LPP: variants seen among roughly 807,000 people sequenced by gnomAD.
LPP encodes LIM domain containing preferred translocation partner in lipoma.
A neutral mutation model predicts 60.4 loss-of-function variants in LPP; 38 were observed. The ratio of observed to expected loss-of-function variants is 0.63; its 90% CI spans 0.49 to 0.83. The LOEUF is 0.83. Among genes scored for constraint, LPP ranks in the 40% least tolerant of loss-of-function variants. The pLI, the probability that LPP is intolerant of heterozygous loss-of-function variation, is 0.00. For missense variants in LPP, 902 were observed against 783.6 expected (o/e 1.15, Z -1.80); for synonymous variants, 328 against 290.8 (o/e 1.13, Z -1.30).
intron 2 of LPP, chr3:188,312,969 C>T (rs1753912979): frequency 6.6e-6 from 1 of 151,788 alleles, no homozygotes. Flanking sequence ...GAACATCACA[C>T]ACTGGGGCCT....
chr3:188,879,942 T>G lies in LPP; in HGVS notation c.*5463T>G. ...TTCTATTTAATTTTCCTGGCCCTTG[T>G]GCAAAAAATTGTGGACTCTATCTTA... is the stretch of plus-strand genomic sequence containing the variant. On this transcript the variant is annotated 3_prime_UTR_variant, in exon 12 of 12. Coordinates refer to ENST00000617246, the MANE Select transcript of LPP (RefSeq NM_001375462.1). 5.5e-6 allele frequency: 1 copy of G among 181,204 alleles called. No homozygotes were observed. Among genetic ancestry groups the G allele is most frequent in the East Asian group, 9.0e-5 (1 of 11,102 alleles). 11.2% of individuals were successfully genotyped at this position (181,204 alleles called of 1,614,324 possible). A position where few individuals can be genotyped will look rare whatever the true frequency, so the allele number is the denominator to read the frequency against.
At chr3:188,329,592 G>C (rs1759415962) in intron 2 of LPP, among the ~76,000 whole-genome samples, 1 of 151,568 alleles carries the variant, frequency 6.6e-6, no homozygotes, top group Non-Finnish European at 1.5e-5. Flanking sequence ...TTGGGTTAGG[G>C]ATACAAAACC....
chr3:188,455,641 A>G (rs1301078633), intron 4 of LPP, among the ~76,000 whole-genome samples: 1 of 152,220 alleles, frequency 6.6e-6, no homozygotes, highest in Non-Finnish European at 1.5e-5. Flanking sequence ...ATCATAATAT[A>G]CTGATTACAG....
At chr3:188,703,763 A>G (rs761441437) in intron 7 of LPP, among the ~76,000 whole-genome samples, 7 of 152,222 alleles carry the variant, frequency 4.6e-5, no homozygotes, top group Admixed American at 2.6e-4. Context: ...AACAAAAAGA[A>G]TGATAACGTT....
chr3:188,338,212 G>A (rs1288431070), intron 2 of LPP, among the ~76,000 whole-genome samples: 2 of 152,220 alleles, frequency 1.3e-5, no homozygotes, highest in African/African-American at 4.8e-5. Flanking sequence ...TTACTTTAAT[G>A]AGACAACCAA....
intron 2 of LPP, among the ~76,000 whole-genome samples, chr3:188,341,453 C>CAG (rs1763035286): frequency 1.3e-5 from 2 of 152,066 alleles, no homozygotes; most frequent in African/African-American, 4.8e-5. Context: ...CCTTTCTGTC[C>CAG]CTCTTTGAGC....
chr3:188,823,451 C>G (rs1044982766), intron 9 of LPP, among the ~76,000 whole-genome samples: 1 of 152,064 alleles, frequency 6.6e-6, no homozygotes, highest in Non-Finnish European at 1.5e-5. Flanking sequence ...CAGTTCGGAA[C>G]CAATTTTTAT....
chr3:188,712,861 A>G (rs2149754836), intron 8 of LPP: 1 of 152,228 alleles, frequency 6.6e-6, no homozygotes, highest in South Asian at 2.1e-4. Flanking sequence ...CTTTGTGGTC[A>G]TGTTGCTTTG....
chr3:188,462,185 C>G (rs547180071), intron 4 of LPP, among the ~76,000 whole-genome samples: 30 of 152,004 alleles, frequency 2.0e-4, no homozygotes, highest in African/African-American at 6.5e-4. Context: ...CTAAATTCTC[C>G]TTAAGAATTA....
At chr3:188,304,043 G>T (rs1331442895) in intron 2 of LPP, among the ~76,000 whole-genome samples, 1 of 152,152 alleles carries the variant, frequency 6.6e-6, no homozygotes, top group Non-Finnish European at 1.5e-5. Context: ...TACGTCCCCT[G>T]TTGATGTTGT....
intron 10 of LPP, among the ~76,000 whole-genome samples, chr3:188,867,253 TTATA>T (rs931258899): frequency 6.7e-6 from 1 of 148,572 alleles, no homozygotes; most frequent in Non-Finnish European, 1.5e-5. Context: ...AACATTCATT[TTATA>T]TATATGTTTA....
intron 8 of LPP, chr3:188,708,594 A>G (rs1865946220): frequency 4.5e-6 from 3 of 666,520 alleles, no homozygotes; most frequent in Non-Finnish European, 7.5e-6. Flanking sequence ...CTTAGCTTAT[A>G]CTAAAATTTC....
chr3:188,298,604 A>C (rs976072792), intron 2 of LPP, among the ~76,000 whole-genome samples: 12 of 152,162 alleles, frequency 7.9e-5, no homozygotes, highest in Non-Finnish European at 1.2e-4. Context: ...TACGGGTATC[A>C]ATTTACTTAT....
chr3:188,207,680 A>G (rs966015695), intron 1 of LPP, among the ~76,000 whole-genome samples: 13 of 143,352 alleles, frequency 9.1e-5, no homozygotes, highest in African/African-American at 3.4e-4. Flanking sequence ...CTGGTCTTGA[A>G]CTCCTGGGCT....
At chr3:188,618,803 T>C (rs549866196) in intron 7 of LPP, among the ~76,000 whole-genome samples, 3 of 152,318 alleles carry the variant, frequency 2.0e-5, no homozygotes, top group African/African-American at 7.2e-5. Flanking sequence ...TATTTATGCC[T>C]CCTCAAATAT....
At chr3:188,667,910 G>A (rs1230583754) in intron 7 of LPP, among the ~76,000 whole-genome samples, 1 of 151,770 alleles carries the variant, frequency 6.6e-6, no homozygotes, top group Non-Finnish European at 1.5e-5. Flanking sequence ...CTTGATGGTT[G>A]GAAATTAAGA....
intron 3 of LPP, among the ~76,000 whole-genome samples, chr3:188,395,171 A>T (rs991038400): frequency 6.6e-5 from 10 of 152,274 alleles, no homozygotes; most frequent in African/African-American, 2.4e-4. Flanking sequence ...TGGATTAAAA[A>T]TTTTAAATTT....
chr3:188,215,682 T>C (rs926221589), intron 1 of LPP, among the ~76,000 whole-genome samples: 1 of 152,226 alleles, frequency 6.6e-6, no homozygotes, highest in South Asian at 2.1e-4. Flanking sequence ...TTAGGTACTA[T>C]TTTTTAACCT....
intron 9 of LPP, among the ~76,000 whole-genome samples, chr3:188,849,757 T>C (rs994350509): frequency 6.6e-6 from 1 of 152,160 alleles, no homozygotes; most frequent in African/African-American, 2.4e-5. Flanking sequence ...AAAAATTAAA[T>C]GGGATGATAT....
Sources: allele counts gnomAD v4.1 joint callset (sites outside exome capture counted in the v4.1 genomes callset), GRCh38; gene constraint gnomAD v4.1.1; transcripts MANE v1.5; gene names NCBI Gene and HGNC (gene_info 2026-07-23, HGNC 2026-07-21).